ZNF585A: variants seen among roughly 807,000 people sequenced by gnomAD.
ZNF585A encodes the protein zinc finger protein 585A.
ZNF585A carries 9 observed loss-of-function variants against 14.9 expected under a neutral mutation model. That is an observed-to-expected ratio of 0.60 (90% CI 0.36 to 1.05). The LOEUF (loss-of-function observed/expected upper bound fraction) is 1.05. Ranked by LOEUF, ZNF585A falls within the 50% of genes least tolerant of loss-of-function variation. The probability of loss-of-function intolerance (pLI) is 0.01; values close to 1 mark genes in which losing one functional copy is unlikely to be tolerated. For missense variants in ZNF585A, 726 were observed against 926.4 expected (o/e 0.78, Z 2.81); for synonymous variants, 276 against 319.9 (o/e 0.86, Z 1.46).
At chr19:37,153,744 T>C (rs527754377) in intron 4 of ZNF585A, 138 bp from the exon 5 acceptor site, 2 of 742,608 alleles carry the variant, frequency 2.7e-6, no homozygotes, top group South Asian at 4.1e-5. Flanking sequence ...ATGAGGCATA[T>C]TGATGGGGTC....
chr19:37,156,806 C>T (rs1474014768), intron 2 of ZNF585A, among the ~76,000 whole-genome samples: 2 of 152,126 alleles, frequency 1.3e-5, no homozygotes, highest in Non-Finnish European at 2.9e-5. Flanking sequence ...AGTCTCCTAC[C>T]TCAGCCTCCC....
Position 37,153,122 on chromosome 19 carries a change from C to A in ZNF585A, c.777G>T (p.Met259Ile), listed in dbSNP as rs141892107. The A allele has an allele frequency of 2.6e-4, 413 of 1,614,150 alleles. 4 individuals carry two copies. In the East Asian group the frequency reaches 6.7e-3, roughly 26 times the overall value. ...KAFTQKSTLK[M>I]HQKIHTGERS... Reference sequence around the variant, plus strand: ...TCTCGCCTGTATGGATTTTCTGATGCATCTTGAGTGTGGACTTTTGTGTGA... The same window carrying A: ...TCTCGCCTGTATGGATTTTCTGATGAATCTTGAGTGTGGACTTTTGTGTGA... The change falls in exon 5 of 5, where the codon ATG becomes ATT. Residue 259 changes from methionine to isoleucine, a missense_variant. By Grantham distance (10) the Met-to-Ile change is conservative. Transcript: ENST00000292841.
At position 37,153,086 on chromosome 19, in the gene ZNF585A, G is replaced by A; in HGVS notation, c.813C>T (p.Ile271=). ...QKIHTGERSY[I]CIECGQAFIQ... is the part of the protein sequence containing the mutation. ...TGAAGGCCTGTCCGCATTCAATACAGATGTAGGATCTCTCGCCTGTATGGA... is the reference window on the plus strand; with the variant it reads ...TGAAGGCCTGTCCGCATTCAATACAAATGTAGGATCTCTCGCCTGTATGGA... The change falls in exon 5 of 5, where the codon ATC becomes ATT. Residue 271 remains isoleucine, a synonymous_variant. Transcript: ENST00000292841. The A allele has an allele frequency of 6.2e-7, 1 of 1,614,188 alleles. No homozygotes were observed. Among genetic ancestry groups the A allele is most frequent in the South Asian group, 1.1e-5 (1 of 91,080 alleles).
Position 37,155,892 on chromosome 19 carries a change from C to A in ZNF585A, c.265G>T (p.Gly89Cys), listed in dbSNP as rs1278988592. Residue 89 changes from glycine to cysteine, a missense_variant, in exon 4 of 5, where the codon GGT becomes TGT. By Grantham distance (159) the Gly-to-Cys change is radical. Transcript: ENST00000292841. Reference sequence around the variant, plus strand: ...GGGCAGCTCTGACGTGGCCTCTCACCCTGCAGTGCCCATGGTTCCTTTCCT... The same window carrying A: ...GGGCAGCTCTGACGTGGCCTCTCACACTGCAGTGCCCATGGTTCCTTTCCT... Reference protein sequence around the residue: ...EQGKEPWALQGERPRQSCPGE... With the variant: ...EQGKEPWALQCERPRQSCPGE... The A allele has an allele frequency of 6.2e-7, 1 of 1,612,346 alleles. No homozygotes were observed. Among genetic ancestry groups the A allele is most frequent in the Non-Finnish European group, 8.5e-7 (1 of 1,180,002 alleles).
At chr19:37,154,263 A>T (rs1463040616) in intron 4 of ZNF585A, among the ~76,000 whole-genome samples, 1 of 152,252 alleles carries the variant, frequency 6.6e-6, no homozygotes, top group East Asian at 1.9e-4. Flanking sequence ...AAGTAAGGCA[A>T]AAAACACTAT....
rs1971743516 is a variant in ZNF585A at position 37,146,281 on chromosome 19, T to G, written c.*5308A>C. The G allele has an allele frequency of 6.6e-6, 1 of 152,382 alleles. No individual in the cohort carries two copies. The highest frequency in any genetic ancestry group is 1.9e-4 in the East Asian group (1 of 5,184). 9.4% of individuals were successfully genotyped at this position (152,382 alleles called of 1,614,324 possible). A position where few individuals can be genotyped will look rare whatever the true frequency, so the allele number is the denominator to read the frequency against. On this transcript the variant is annotated 3_prime_UTR_variant, in exon 5 of 5. Coordinates refer to ENST00000292841, the MANE Select transcript of ZNF585A (RefSeq NM_001288800.2). ...CCTGTAATCGCAGCTACTCGGAGGC[T>G]GAGGCAGGAGAATCACTTGAACCCG...
rs181413355 is a variant in ZNF585A, at chr19:37,151,174, A to T, written c.*415T>A. 3.4e-4 allele frequency: 137 copies of T among 404,870 alleles called. No homozygotes were observed. The highest frequency in any genetic ancestry group is 2.5e-3 in the African/African-American group (120 of 48,756). The allele number at this position is 404,870 out of a possible 1,614,324, so 25.1% of individuals were successfully genotyped here. ...CAACGAACAACTCACATAACTTAGG[A>T]TTCATCACTATCAAAATAACTACGT... On this transcript the variant is annotated 3_prime_UTR_variant, in exon 5 of 5. Transcript: ENST00000292841.
rs1971833567 is a variant in ZNF585A, at chr19:37,151,768, T to C, written c.2131A>G (p.Ile711Val). 6.2e-7 allele frequency: 1 copy of C among 1,613,966 alleles called. No homozygotes were observed. The highest frequency in any genetic ancestry group is 8.5e-7 in the Non-Finnish European group (1 of 1,179,984). The change falls in exon 5 of 5, where the codon ATT becomes GTT. Residue 711 changes from isoleucine (I) to valine (V), a missense_variant. This residue lies in a region of ZNF585A where 243 missense variants were observed against 383.6 expected (regional missense o/e 0.63). Coordinates refer to ENST00000292841, the MANE Select transcript of ZNF585A (RefSeq NM_001288800.2). ...ACGTAAGGCTTCTCTCCAGTGTGAA[T>C]TCGCTGATGCACTTGGAGCTGTGAT... ...KKSQLQVHQR[I>V]HTGEKPYVCA...
At chr19:37,156,118 A>G in intron 3 of ZNF585A, 111 bp downstream of exon 3, 1 of 1,558,556 alleles carries the variant, frequency 6.4e-7, no homozygotes, top group Non-Finnish European at 8.7e-7. Flanking sequence ...AATCCTAGAC[A>G]AATCAAGAAC....
chr19:37,155,830 C>T (rs1971918913), intron 4 of ZNF585A, 35 bp downstream of exon 4: 2 of 1,606,690 alleles, frequency 1.2e-6, no homozygotes, highest in Non-Finnish European at 8.5e-7. Flanking sequence ...TTCCTCCCAT[C>T]TCCCATCTAC....
chr19:37,170,783 C>T (rs1292224558), intron 1 of ZNF585A, among the ~76,000 whole-genome samples: 2 of 152,204 alleles, frequency 1.3e-5, no homozygotes, highest in East Asian at 3.9e-4. Flanking sequence ...CATTTCTTCA[C>T]TTTTAATTTC....
At chr19:37,155,368 C>G (rs538100053) in intron 4 of ZNF585A, among the ~76,000 whole-genome samples, 2 of 151,688 alleles carry the variant, frequency 1.3e-5, no homozygotes, top group African/African-American at 4.8e-5. Flanking sequence ...TGACAAAGGT[C>G]GGCCAGGCGC....
rs564067209 is a variant in ZNF585A, at chr19:37,151,809, T to C, written c.2090A>G (p.Lys697Arg). The C allele has an allele frequency of 1.9e-6, 3 of 1,612,922 alleles. No homozygotes were observed. Among genetic ancestry groups the C allele is most frequent in the South Asian group, 2.2e-5 (2 of 91,000 alleles). The change falls in exon 5 of 5, where the codon AAG (lysine) becomes AGG (arginine). Residue 697 changes from lysine to arginine, a missense_variant. Physicochemically the swap from Lys to Arg is conservative, Grantham distance 26 (BLOSUM62 2). This residue lies in a region of ZNF585A where 243 missense variants were observed against 383.6 expected (regional missense o/e 0.63). Transcript: ENST00000292841. ...EKPYECSDCG[K>R]SFTKKSQLQV... ...GAGCTGTGATTTTTTAGTGAAAGAC[T>C]TCCCACAGTCACTGCACTCATAAGG...
intron 2 of ZNF585A, among the ~76,000 whole-genome samples, chr19:37,166,471 C>T (rs1972092610): frequency 6.6e-6 from 1 of 152,056 alleles, no homozygotes; most frequent in Non-Finnish European, 1.5e-5. Flanking sequence ...AGGTGCGCAC[C>T]ACCACATCCG....
At position 37,146,748 on chromosome 19, in the gene ZNF585A, TC is replaced by T. The variant is rs1318690434; in HGVS notation, c.*4840del. On this transcript the variant is annotated 3_prime_UTR_variant, in exon 5 of 5. Transcript: ENST00000292841. The stretch of plus-strand genomic sequence containing the variant: ...TATGGATCCCCCACTCCTGCCCCTT[TC>T]CCCCTCTATGTGACCTGCCACTGTG... The T allele has an allele frequency of 6.5e-6, 1 of 152,702 alleles. No individual in the cohort carries two copies. The highest frequency in any genetic ancestry group is 1.5e-5 in the Non-Finnish European group (1 of 68,610). The allele number at this position is 152,702 out of a possible 1,614,324, so 9.5% of individuals were successfully genotyped here.
Position 37,152,076 on chromosome 19 carries a change from C to T in ZNF585A, c.1823G>A (p.Cys608Tyr). The T allele has an allele frequency of 1.2e-6, 2 of 1,600,842 alleles. No homozygotes were observed. Among genetic ancestry groups the T allele is most frequent in the Non-Finnish European group, 1.7e-6 (2 of 1,172,138 alleles). Residue 608 changes from cysteine (C) to tyrosine (Y), a missense_variant, in exon 5 of 5, where the codon TGC (cysteine) becomes TAC (tyrosine). Cys to Tyr is a radical substitution (Grantham distance 194). Coordinates refer to ENST00000292841, the MANE Select transcript of ZNF585A (RefSeq NM_001288800.2). ...GGTAAAGGACTTCCCACAGTCACTG[C>T]ATTCATAAGGCTTCTCTCCAGTATG... ...RIHTGEKPYECSDCGKSFTSK... is the reference protein window; with the variant it reads ...RIHTGEKPYEYSDCGKSFTSK...
At chr19:37,157,939 AGT>A (rs1273891210) in intron 2 of ZNF585A, among the ~76,000 whole-genome samples, 6 of 148,514 alleles carry the variant, frequency 4.0e-5, no homozygotes, top group Admixed American at 3.4e-4. Flanking sequence ...CCCAGGCTAG[AGT>A]GCAGTGGTGC....
rs1599747477 is a variant in ZNF585A at position 37,153,955 on chromosome 19, T to C, written c.293-349A>G. The stretch of plus-strand genomic sequence containing the variant: ...AAAATAGAATCTCACATCACTTTCA[T>C]CATGACCTTTTCTTTCAATTTGGAA... On this transcript the variant is annotated intron_variant, in intron 4 of 4. Transcript: ENST00000292841. Among the ~76,000 whole-genome samples the C allele has an allele frequency of 2.0e-5, 3 of 152,346 alleles. No individual in the cohort carries two copies. In the South Asian group the frequency reaches 6.2e-4, roughly 32 times the overall value.
intron 4 of ZNF585A, among the ~76,000 whole-genome samples, chr19:37,154,997 CTTTTTTTTTTTTT>C (rs756330115): frequency 1.8e-5 from 2 of 113,656 alleles, no homozygotes; most frequent in Admixed American, 9.4e-5. Flanking sequence ...AAAGAAAGAT[CTTTTTTTTTTTTT>C]TTTTTTTTGA....
Sources: allele counts gnomAD v4.1 joint callset (sites outside exome capture counted in the v4.1 genomes callset), GRCh38; gene constraint gnomAD v4.1.1; regional missense constraint gnomAD v4.1.1; transcripts MANE v1.5; gene names NCBI Gene and HGNC (gene_info 2026-07-23, HGNC 2026-07-21).